EFCAB11: variants seen among roughly 807,000 people sequenced by gnomAD.
EFCAB11 encodes the protein EF-hand calcium-binding domain-containing protein 11.
A neutral mutation model predicts 23.0 loss-of-function variants in EFCAB11; 14 were observed. The ratio of observed to expected loss-of-function variants is 0.61; its 90% CI spans 0.40 to 0.95. The LOEUF (loss-of-function observed/expected upper bound fraction) is 0.95. Ranked by LOEUF, EFCAB11 falls within the 40% of genes least tolerant of loss-of-function variation. The pLI is 0.00. For missense variants in EFCAB11, 198 were observed against 195.8 expected, an observed-to-expected ratio of 1.01 and a Z score of -0.07; for synonymous variants, 65 against 66.6, an observed-to-expected ratio of 0.98 and a Z score of 0.11.
chr14:89,925,117 C>T (rs1354245817), intron 5 of EFCAB11, among the ~76,000 whole-genome samples: 1 of 152,176 alleles, frequency 6.6e-6, no homozygotes, highest in Non-Finnish European at 1.5e-5. Flanking sequence ...TGAGGAGGAC[C>T]TTTAAAGATG....
intron 5 of EFCAB11, among the ~76,000 whole-genome samples, chr14:89,877,047 T>A (rs115155687): frequency 0.08 from 12,202 of 152,002 alleles, 701 homozygotes; most frequent in South Asian, 0.2. Flanking sequence ...ACCAAAAGTT[T>A]TTTTTTTTTT....
At chr14:89,887,532 A>C (rs1317015094) in intron 5 of EFCAB11, among the ~76,000 whole-genome samples, 1 of 152,234 alleles carries the variant, frequency 6.6e-6, no homozygotes, top group Admixed American at 6.5e-5. Context: ...TGCCTAGGTC[A>C]TATAGCATGA....
At chr14:89,799,304 G>A (rs180832107) in intron 5 of EFCAB11, 139 of 152,174 alleles carry the variant, frequency 9.1e-4, no homozygotes, top group African/African-American at 3.2e-3. Flanking sequence ...CTGACTTTTC[G>A]TCGTCATCGC....
Position 89,860,049 on chromosome 14 carries a change from T to C in EFCAB11, c.411-62725A>G, listed in dbSNP as rs548901983. Among the ~76,000 whole-genome samples, 12 of 152,298 alleles carry C rather than the reference T, an allele frequency of 7.9e-5. No individual in the cohort carries two copies. The South Asian group carries it at 2.3e-3, about 29-fold the overall frequency. Reference sequence around the variant, plus strand: ...TGGTTCTAACGTGCTTTTTCCTTTATTGGCTCCTTTTAGGACTAAAAGATA... The same window carrying C: ...TGGTTCTAACGTGCTTTTTCCTTTACTGGCTCCTTTTAGGACTAAAAGATA... On this transcript the variant is annotated intron_variant, in intron 5 of 5. Transcript: ENST00000316738.
intron 2 of EFCAB11, among the ~76,000 whole-genome samples, chr14:89,952,930 G>C (rs1430994477): frequency 6.6e-6 from 1 of 152,118 alleles, no homozygotes; most frequent in Non-Finnish European, 1.5e-5. Context: ...AGCTTAACAA[G>C]AAGGGTGTTG....
intron 5 of EFCAB11, among the ~76,000 whole-genome samples, chr14:89,919,566 C>T (rs376858149): frequency 1.3e-5 from 2 of 152,034 alleles, no homozygotes; most frequent in African/African-American, 4.8e-5. Context: ...GTCTAGCCAC[C>T]GGTAACCAGT....
At chr14:89,951,416 G>A (rs1304902270) in intron 2 of EFCAB11, among the ~76,000 whole-genome samples, 1 of 152,006 alleles carries the variant, frequency 6.6e-6, no homozygotes, top group Non-Finnish European at 1.5e-5. Context: ...GACTGTTATA[G>A]TTACCACTAG....
At chr14:89,926,966 AATAAT>A (rs1890214205) in intron 5 of EFCAB11, among the ~76,000 whole-genome samples, 1 of 152,252 alleles carries the variant, frequency 6.6e-6, no homozygotes, top group African/African-American at 2.4e-5. Context: ...TATGAACCCT[AATAAT>A]ATGTTTTCTA....
intron 5 of EFCAB11, among the ~76,000 whole-genome samples, chr14:89,898,038 T>C (rs1889221589): frequency 6.6e-6 from 1 of 151,476 alleles, no homozygotes; most frequent in Non-Finnish European, 1.5e-5. Context: ...TAAGGAATTC[T>C]AGCTAAGGAA....
chr14:89,809,638 C>T (rs946949474), intron 5 of EFCAB11, among the ~76,000 whole-genome samples: 1 of 152,172 alleles, frequency 6.6e-6, no homozygotes, highest in East Asian at 1.9e-4. Context: ...CAAGCACAGA[C>T]GCACAGTCAC....
At chr14:89,937,605 A>C (rs534366284) in intron 3 of EFCAB11, among the ~76,000 whole-genome samples, 1 of 152,162 alleles carries the variant, frequency 6.6e-6, no homozygotes, top group Non-Finnish European at 1.5e-5. Flanking sequence ...GGCTCACTGC[A>C]ACCTCCACCT....
chr14:89,890,117 G>A (rs374242738), intron 5 of EFCAB11, among the ~76,000 whole-genome samples: 26 of 152,276 alleles, frequency 1.7e-4, no homozygotes, highest in East Asian at 1.2e-3. Context: ...TTGAGTTCAA[G>A]TTCAAGAAAA....
intron 5 of EFCAB11, among the ~76,000 whole-genome samples, chr14:89,811,353 G>A (rs1054140078): frequency 6.6e-6 from 1 of 152,142 alleles, no homozygotes; most frequent in African/African-American, 2.4e-5. Flanking sequence ...CAAGAAGGGG[G>A]CCGATGTGCT....
chr14:89,884,071 G>A (rs550695975), intron 5 of EFCAB11, among the ~76,000 whole-genome samples: 17 of 152,154 alleles, frequency 1.1e-4, no homozygotes, highest in Non-Finnish European at 2.5e-4. Context: ...AGGCTATAGT[G>A]AGCCATGCTC....
chr14:89,947,952 C>T (rs1213200861), intron 3 of EFCAB11, among the ~76,000 whole-genome samples: 1 of 152,074 alleles, frequency 6.6e-6, no homozygotes, highest in Non-Finnish European at 1.5e-5. Context: ...CAAAATTGAG[C>T]TCTTAGTCTC....
chr14:89,894,105 C>G (rs866845309), intron 5 of EFCAB11, among the ~76,000 whole-genome samples: 1 of 152,134 alleles, frequency 6.6e-6, no homozygotes, highest in Middle Eastern at 3.4e-3. Context: ...CCCGCCATCA[C>G]GCCCCCGGCT....
At chr14:89,925,285 A>G (rs1036241213) in intron 5 of EFCAB11, among the ~76,000 whole-genome samples, 1 of 152,222 alleles carries the variant, frequency 6.6e-6, no homozygotes, top group African/African-American at 2.4e-5. Flanking sequence ...AGATGTTGGA[A>G]AAGAGACCAG....
chr14:89,813,987 C>T (rs980829725), intron 5 of EFCAB11, among the ~76,000 whole-genome samples: 6 of 151,782 alleles, frequency 4.0e-5, no homozygotes, highest in Non-Finnish European at 8.8e-5. Flanking sequence ...ACTACATGGT[C>T]TGACTATTTG....
At chr14:89,836,876 G>A (rs1032453050) in intron 5 of EFCAB11, 13 of 373,152 alleles carry the variant, frequency 3.5e-5, no homozygotes, top group African/African-American at 1.1e-4. Flanking sequence ...AAAATTAGGC[G>A]GCTGTGATGG....
Sources: allele counts gnomAD v4.1 joint callset (sites outside exome capture counted in the v4.1 genomes callset), GRCh38; gene constraint gnomAD v4.1.1; transcripts MANE v1.5; gene names NCBI Gene and HGNC (gene_info 2026-07-23, HGNC 2026-07-21).